Variants in PGD observed in about 807,000 individuals in gnomAD.
PGD encodes the protein 6-phosphogluconate dehydrogenase, decarboxylating.
In PGD, 21 loss-of-function variants were observed where a neutral mutation model predicts 60.4. The ratio of observed to expected loss-of-function variants is 0.35; its 90% CI spans 0.25 to 0.50. The LOEUF (loss-of-function observed/expected upper bound fraction) is 0.50, where lower values mean the gene tolerates loss of function less well. Ranked by LOEUF, PGD falls within the 20% of genes least tolerant of loss-of-function variation. PGD has a pLI of 0.98. For synonymous variants in PGD, 230 were observed against 235.9 expected (o/e 0.97, Z 0.23); for missense variants, 477 against 613.1 (o/e 0.78, Z 2.34).
At chr1:10,415,954 A>C (rs1041616269) in intron 8 of PGD, among the ~76,000 whole-genome samples, 2 of 152,162 alleles carry the variant, frequency 1.3e-5, no homozygotes, top group Admixed American at 1.3e-4. Flanking sequence ...TAAAAACCTA[A>C]CATTTTTTTG....
intron 8 of PGD, among the ~76,000 whole-genome samples, chr1:10,416,717 G>A (rs905907962): frequency 2.1e-4 from 32 of 152,258 alleles, no homozygotes; most frequent in Admixed American, 1.2e-3. Context: ...CAGGGCCGAG[G>A]GGTCACAAGG....
chr1:10,419,732 T>G lies in PGD; in HGVS notation c.1435T>G (p.Ser479Ala). Reference protein sequence around the residue: ...WTGHGGTVSSSSYNA With the variant: ...WTGHGGTVSSASYNA Reference sequence around the variant, plus strand: ...AGGCCATGGTGGCACCGTGTCATCCTCGTCATACAATGCCTGATCATGCTG... The same window carrying G: ...AGGCCATGGTGGCACCGTGTCATCCGCGTCATACAATGCCTGATCATGCTG... The change falls in exon 13 of 13, where the codon TCG (serine) becomes GCG (alanine). Residue 479 changes from serine (S) to alanine (A), a missense_variant. Transcript: ENST00000270776. 6.8e-6 allele frequency: 11 copies of G among 1,614,250 alleles called. No homozygotes were observed. Among genetic ancestry groups the G allele is most frequent in the Non-Finnish European group, 8.5e-6 (10 of 1,180,048 alleles).
chr1:10,410,559 T>G (rs1044670337), intron 6 of PGD, among the ~76,000 whole-genome samples: 13 of 152,082 alleles, frequency 8.5e-5, no homozygotes, highest in African/African-American at 3.1e-4. Context: ...ACACCTGGCC[T>G]CCTGGGCAGG....
rs1449853586 is a variant in PGD, at chr1:10,417,428, G to A, written c.1028G>A (p.Arg343Lys). 6.2e-7 allele frequency: 1 copy of A among 1,613,916 alleles called. No individual in the cohort carries two copies. Among genetic ancestry groups the A allele is most frequent in the African/African-American group, 1.3e-5 (1 of 75,018 alleles). Residue 343 changes from arginine to lysine, a missense_variant, in exon 10 of 13, where the codon AGG (arginine) becomes AAG (lysine). By Grantham distance (26) the Arg-to-Lys change is conservative (BLOSUM62 2). Around this residue, in one of 3 missense-constraint regions of PGD, gnomAD observed 431 missense variants for 556.6 expected, o/e 0.77. Coordinates refer to ENST00000270776, the MANE Select transcript of PGD (RefSeq NM_002631.4). ...TACGCTCAAGGCTTTATGCTGCTAA[G>A]GCAGGCAGCCACCGAGTTTGGCTGG... Reference protein sequence around the residue: ...ISYAQGFMLLRQAATEFGWTL... With the variant: ...ISYAQGFMLLKQAATEFGWTL...
At position 10,416,796 on chromosome 1, in the gene PGD, G is replaced by A. The variant is rs548915009; in HGVS notation, c.845-191G>A. 2.6e-5 allele frequency among the ~76,000 whole-genome samples: 4 copies of A among 152,306 alleles called. No individual in the cohort carries two copies. The South Asian group carries it at 8.3e-4, about 32-fold the overall frequency. On this transcript the variant is annotated intron_variant, in intron 8 of 12. Coordinates refer to ENST00000270776, the MANE Select transcript of PGD (RefSeq NM_002631.4). Reference sequence around the variant, plus strand: ...AGGTTAATCGCTCAGTTAAGGTGGGGCAGGAACAAATCACAATGGTGGAAT... The same window carrying A: ...AGGTTAATCGCTCAGTTAAGGTGGGACAGGAACAAATCACAATGGTGGAAT...
At position 10,419,948 on chromosome 1, in the gene PGD, A is replaced by T; in HGVS notation, c.*199A>T. 1 of 601,838 alleles carries T rather than the reference A, an allele frequency of 1.7e-6. No homozygotes were observed. Among genetic ancestry groups the T allele is most frequent in the South Asian group, 1.9e-5 (1 of 51,794 alleles). 37.3% of individuals were successfully genotyped at this position (601,838 alleles called of 1,614,324 possible). On this transcript the variant is annotated 3_prime_UTR_variant, in exon 13 of 13. Transcript: ENST00000270776. Reference sequence around the variant, plus strand: ...ATGCCCTCTGCCCTTGCCTCTTGGGACTGACCAGGAGCTGCTCATGTGCGT... The same window carrying T: ...ATGCCCTCTGCCCTTGCCTCTTGGGTCTGACCAGGAGCTGCTCATGTGCGT...
chr1:10,411,281 CT>C, intron 6 of PGD, 136 bp from the exon 7 acceptor site: 1 of 823,302 alleles, frequency 1.2e-6, no homozygotes, highest in South Asian at 1.7e-5. Context: ...ATCAAAAATG[CT>C]GTACTCATTT....
intron 5 of PGD, among the ~76,000 whole-genome samples, chr1:10,404,535 T>C (rs1415369864): frequency 5.4e-5 from 8 of 149,134 alleles, no homozygotes; most frequent in East Asian, 1.9e-4. Context: ...TTTTTTTTTT[T>C]CCCGCCCAGG....
At chr1:10,406,170 T>A (rs1639400971) in intron 5 of PGD, among the ~76,000 whole-genome samples, 1 of 152,148 alleles carries the variant, frequency 6.6e-6, no homozygotes, top group Non-Finnish European at 1.5e-5. Flanking sequence ...ATTTTTTTAA[T>A]TACCTTTCTG....
At chr1:10,418,097 CTG>C (rs1457241542) in intron 10 of PGD, among the ~76,000 whole-genome samples, 1 of 152,200 alleles carries the variant, frequency 6.6e-6, no homozygotes, top group African/African-American at 2.4e-5. Flanking sequence ...GAATTTTGCT[CTG>C]TATTTTCATT....
chr1:10,414,421 C>A lies in PGD; in HGVS notation c.844+1170C>A, dbSNP rs147311984. Among the ~76,000 whole-genome samples, 991 of 152,170 alleles carry A rather than the reference C, an allele frequency of 6.5e-3. 9 individuals are homozygous for A. The highest frequency in any genetic ancestry group is 0.022 in the African/African-American group (934 of 41,520). ...ACGGTGTTGTGCTCTGTCACCCAGGCTGGAGTTCAGTGGCATGATCTCGGG... is the reference window on the plus strand; with the variant it reads ...ACGGTGTTGTGCTCTGTCACCCAGGATGGAGTTCAGTGGCATGATCTCGGG... On this transcript the variant is annotated intron_variant, in intron 8 of 12. Coordinates refer to ENST00000270776, the MANE Select transcript of PGD (RefSeq NM_002631.4).
chr1:10,399,405 C>G, intron 1 of PGD: 1 of 465,868 alleles, frequency 2.1e-6, no homozygotes, highest in Non-Finnish European at 3.7e-6. Flanking sequence ...GCAGGGACAC[C>G]TGCGGGACGC....
rs1384734834 is a variant in PGD, at chr1:10,402,029, AT to A, written c.265-1040del. Among the ~76,000 whole-genome samples, 372 of 140,504 alleles carry A rather than the reference AT, an allele frequency of 2.6e-3. 3 individuals are homozygous for A. Among genetic ancestry groups the A allele is most frequent in the Non-Finnish European group, 4.0e-3 (262 of 64,712 alleles). The allele number at this position is 140,504 out of a possible 152,430, so 92.2% of individuals were successfully genotyped here. ...GACTCCGTCTCAAATAAATAAATAA[AT>A]TAATTAATTAATTAATAAAGTAATA... is the stretch of plus-strand genomic sequence containing the variant. On this transcript the variant is annotated intron_variant, in intron 3 of 12. Transcript: ENST00000270776.
intron 8 of PGD, among the ~76,000 whole-genome samples, chr1:10,415,731 T>G (rs1639583898): frequency 6.6e-6 from 1 of 152,226 alleles, no homozygotes; most frequent in Non-Finnish European, 1.5e-5. Context: ...GTTAGTTCCC[T>G]GAGATTTTAC....
rs758067931 is a variant in PGD at position 10,408,135 on chromosome 1, G to A, written c.514G>A (p.Asp172Asn). 2.5e-6 allele frequency: 4 copies of A among 1,581,456 alleles called. No individual in the cohort carries two copies. Among genetic ancestry groups the A allele is most frequent in the South Asian group, 1.1e-5 (1 of 90,520 alleles). ...AGTGGGAACTGGAGAACCCTGCTGT[G>A]ACTGGGCAAGTTCTGGGCTACTCTT... ...AKVGTGEPCC[D>N]WVGDEGAGHF... The change falls in exon 6 of 13, where the codon GAC (aspartate) becomes AAC (asparagine). Residue 172 changes from aspartate (D) to asparagine (N), a missense_variant. By Grantham distance (23) the Asp-to-Asn change is conservative. This residue lies in a region of PGD where 431 missense variants were observed against 556.6 expected (regional missense o/e 0.77). Coordinates refer to ENST00000270776, the MANE Select transcript of PGD (RefSeq NM_002631.4).
intron 5 of PGD, among the ~76,000 whole-genome samples, chr1:10,407,172 G>A (rs958403038): frequency 6.6e-6 from 1 of 152,184 alleles, no homozygotes; most frequent in African/African-American, 2.4e-5. Context: ...AATTAGCCAG[G>A]CATGGTGGCT....
chr1:10,403,260 GA>G, intron 4 of PGD, 124 bp downstream of exon 4: 1 of 697,540 alleles, frequency 1.4e-6, no homozygotes, highest in Non-Finnish European at 2.6e-6. Flanking sequence ...GATTACTACT[GA>G]TACAATAGTT....
intron 5 of PGD, among the ~76,000 whole-genome samples, chr1:10,404,652 A>G (rs1029953459): frequency 6.6e-6 from 1 of 151,702 alleles, no homozygotes; most frequent in Non-Finnish European, 1.5e-5. Context: ...GGCACATGCC[A>G]CCATGCCTGG....
At position 10,419,812 on chromosome 1, in the gene PGD, A is replaced by G. The variant is rs1040357618; in HGVS notation, c.*63A>G. The stretch of plus-strand genomic sequence containing the variant: ...CAGGACATTCCATGTGCCTCATGGC[A>G]CTGCCACCTGGCCCTTTGCCCTATT... On this transcript the variant is annotated 3_prime_UTR_variant, in exon 13 of 13. Transcript: ENST00000270776. 36 of 1,587,104 alleles carry G rather than the reference A, an allele frequency of 2.3e-5. No homozygotes were observed. Among genetic ancestry groups the G allele is most frequent in the Non-Finnish European group, 2.8e-5 (33 of 1,159,402 alleles).
Sources: allele counts gnomAD v4.1 joint callset (sites outside exome capture counted in the v4.1 genomes callset), GRCh38; gene constraint gnomAD v4.1.1; regional missense constraint gnomAD v4.1.1; transcripts MANE v1.5; gene names NCBI Gene and HGNC (gene_info 2026-07-23, HGNC 2026-07-21).